CLRN3: variants seen among roughly 807,000 people sequenced by gnomAD.
CLRN3 encodes clarin-3.
CLRN3 carries 12 observed loss-of-function variants against 16.7 expected under a neutral mutation model. That is an observed-to-expected ratio of 0.72 (90% CI 0.46 to 1.16). The LOEUF (loss-of-function observed/expected upper bound fraction) is 1.16. CLRN3 is among the 50% of genes most tolerant of loss of function. The pLI is 0.00. For missense variants in CLRN3, 296 were observed against 274.2 expected, an observed-to-expected ratio of 1.08 and a Z score of -0.56; for synonymous variants, 118 against 113.0, an observed-to-expected ratio of 1.04 and a Z score of -0.28.
chr10:127,891,319 C>T (rs183022365), intron 1 of CLRN3, among the ~76,000 whole-genome samples: 21 of 152,306 alleles, frequency 1.4e-4, no homozygotes, highest in Admixed American at 1.0e-3. Context: ...TCCAAACAGA[C>T]ACCATATGGA....
At chr10:127,890,564 T>C (rs1315420221) in intron 1 of CLRN3, among the ~76,000 whole-genome samples, 1 of 152,204 alleles carries the variant, frequency 6.6e-6, no homozygotes, top group Non-Finnish European at 1.5e-5. Context: ...GACCTCATGC[T>C]AGCCAAGAAG....
intron 2 of CLRN3, among the ~76,000 whole-genome samples, chr10:127,879,199 C>G (rs1845096633): frequency 6.6e-6 from 1 of 152,196 alleles, no homozygotes; most frequent in South Asian, 2.1e-4. Flanking sequence ...ACCTCCACCT[C>G]CCAGGCTCCA....
intron 2 of CLRN3, among the ~76,000 whole-genome samples, chr10:127,881,837 T>A (rs1845131815): frequency 6.6e-6 from 1 of 152,212 alleles, no homozygotes; most frequent in Non-Finnish European, 1.5e-5. Flanking sequence ...GGCCAATTAA[T>A]GAATGATGGA....
chr10:127,879,645 A>G (rs941467223), intron 2 of CLRN3, among the ~76,000 whole-genome samples: 5 of 152,100 alleles, frequency 3.3e-5, no homozygotes, highest in African/African-American at 2.4e-5. Context: ...GCTAAAGGGC[A>G]TGGGGTTTCT....
Position 127,883,742 on chromosome 10 carries a change from C to T in CLRN3, c.363G>A (p.Gln121=). 1 of 1,613,954 alleles carries T rather than the reference C, an allele frequency of 6.2e-7. No individual in the cohort carries two copies. The highest frequency in any genetic ancestry group is 8.5e-7 in the Non-Finnish European group (1 of 1,179,932). The change falls in exon 2 of 3, where the codon CAG becomes CAA. Residue 121 remains glutamine, a synonymous_variant. Coordinates refer to ENST00000368671, the MANE Select transcript of CLRN3 (RefSeq NM_152311.5). ...ACACCCCCGTCGGCCCCAGGAATGT[C>T]TGGTAAGGGTTGCTGATGCTGTTGT... is the stretch of plus-strand genomic sequence containing the variant. ...TFYNSISNPY[Q]TFLGPTGVYT...
In CLRN3 at chr10:127,892,847, C is replaced by G; in HGVS notation, c.-63G>C. 1.0e-6 allele frequency: 1 copy of G among 965,882 alleles called. No individual in the cohort carries two copies. Among genetic ancestry groups the G allele is most frequent in the Non-Finnish European group, 1.6e-6 (1 of 616,652 alleles). The allele number at this position is 965,882 out of a possible 1,614,324, so 59.8% of individuals were successfully genotyped here. A position where few individuals can be genotyped will look rare whatever the true frequency, so the allele number is the denominator to read the frequency against. On this transcript the variant is annotated 5_prime_UTR_variant, in exon 1 of 3. Coordinates refer to ENST00000368671, the MANE Select transcript of CLRN3 (RefSeq NM_152311.5). The stretch of plus-strand genomic sequence containing the variant: ...AATATCTTCTTATAACACTTTTGAA[C>G]CTTATCTTTTGAAGTCTGGTATTTA...
chr10:127,885,990 G>A (rs756747778), intron 1 of CLRN3, among the ~76,000 whole-genome samples: 3 of 152,106 alleles, frequency 2.0e-5, no homozygotes, highest in Non-Finnish European at 4.4e-5. Flanking sequence ...CCCAACCTCA[G>A]GTGATCTGCC....
At chr10:127,880,090 C>T (rs902258356) in intron 2 of CLRN3, among the ~76,000 whole-genome samples, 1 of 152,202 alleles carries the variant, frequency 6.6e-6, no homozygotes, top group African/African-American at 2.4e-5. Flanking sequence ...TCTTCATCCT[C>T]AATGTAATGG....
intron 1 of CLRN3, among the ~76,000 whole-genome samples, chr10:127,885,060 G>A (rs1845178147): frequency 6.6e-6 from 1 of 152,230 alleles, no homozygotes; most frequent in African/African-American, 2.4e-5. Flanking sequence ...GAGCCTTGGA[G>A]CCCTCACCTC....
chr10:127,889,765 G>A (rs998229803), intron 1 of CLRN3, among the ~76,000 whole-genome samples: 23 of 152,200 alleles, frequency 1.5e-4, no homozygotes, highest in Admixed American at 1.2e-3. Flanking sequence ...TGTCCTAAAT[G>A]TGAATGACTC....
chr10:127,884,990 G>A (rs978340455), intron 1 of CLRN3, among the ~76,000 whole-genome samples: 2 of 152,236 alleles, frequency 1.3e-5, no homozygotes, highest in African/African-American at 4.8e-5. Flanking sequence ...GGGAACAGGT[G>A]GGTAAAAACA....
At position 127,892,940 on chromosome 10, in the gene CLRN3, T is replaced by C. The variant is rs1845276199; in HGVS notation, c.-156A>G. The stretch of plus-strand genomic sequence containing the variant: ...TCTTCCTGAGGAAGGGTTATGCTAA[T>C]GGACATTGAACTCTGAACATGGCCA... On this transcript the variant is annotated 5_prime_UTR_variant, in exon 1 of 3. Coordinates refer to ENST00000368671, the MANE Select transcript of CLRN3 (RefSeq NM_152311.5). 1 of 609,152 alleles carries C rather than the reference T, an allele frequency of 1.6e-6. No homozygotes were observed. The highest frequency in any genetic ancestry group is 2.0e-5 in the South Asian group (1 of 49,204). 37.7% of individuals were successfully genotyped at this position (609,152 alleles called of 1,614,324 possible).
intron 2 of CLRN3, among the ~76,000 whole-genome samples, chr10:127,879,208 C>T (rs895283525): frequency 5.3e-5 from 8 of 152,144 alleles, no homozygotes; most frequent in African/African-American, 1.4e-4. Context: ...TCCCAGGCTC[C>T]ATTGATCCTA....
Position 127,878,307 on chromosome 10 carries a change from G to T in CLRN3, c.523C>A (p.His175Asn), listed in dbSNP as rs1327965938. ...YPATTSKGTTHSYGYSFWLIL... is the reference protein window; with the variant it reads ...YPATTSKGTTNSYGYSFWLIL... Reference sequence around the variant, plus strand: ...AGCCAGAACGAGTATCCGTAACTGTGGGTCGTTCCTTTACTGGTGGTTGCC... The same window carrying T: ...AGCCAGAACGAGTATCCGTAACTGTTGGTCGTTCCTTTACTGGTGGTTGCC... The change falls in exon 3 of 3, where the codon CAC becomes AAC. Residue 175 changes from histidine (H) to asparagine (N), a missense_variant. Physicochemically the swap from His to Asn is moderately conservative, Grantham distance 68. Coordinates refer to ENST00000368671, the MANE Select transcript of CLRN3 (RefSeq NM_152311.5). 1.2e-6 allele frequency: 2 copies of T among 1,614,066 alleles called. No homozygotes were observed. Among genetic ancestry groups the T allele is most frequent in the Admixed American group, 3.3e-5 (2 of 60,006 alleles).
intron 1 of CLRN3, among the ~76,000 whole-genome samples, chr10:127,891,341 A>C (rs1439974459): frequency 6.6e-6 from 1 of 152,218 alleles, no homozygotes; most frequent in Non-Finnish European, 1.5e-5. Flanking sequence ...ACCAAAAAAA[A>C]CTGTAGGTTT....
intron 1 of CLRN3, among the ~76,000 whole-genome samples, chr10:127,887,125 T>C (rs1284246700): frequency 6.6e-6 from 1 of 152,040 alleles, no homozygotes; most frequent in African/African-American, 2.4e-5. Flanking sequence ...CACACTTGTT[T>C]TGAAAGTAAT....
rs1487046441 is a variant in CLRN3, at chr10:127,892,539, A to C, written c.229+17T>G. On this transcript the variant is annotated intron_variant, in intron 1 of 2. Transcript: ENST00000368671. The stretch of plus-strand genomic sequence containing the variant: ...ATTCAATCTCACTATATTCATTCAA[A>C]TTAGTTTATCATTTACCTGCAAACT... 1 of 1,265,990 alleles carries C rather than the reference A, an allele frequency of 7.9e-7. No individual in the cohort carries two copies. Among genetic ancestry groups the C allele is most frequent in the East Asian group, 2.3e-5 (1 of 43,368 alleles). The allele number at this position is 1,265,990 out of a possible 1,614,324, so 78.4% of individuals were successfully genotyped here. A position where few individuals can be genotyped will look rare whatever the true frequency, so the allele number is the denominator to read the frequency against.
chr10:127,888,829 T>C (rs1288721940), intron 1 of CLRN3, among the ~76,000 whole-genome samples: 1 of 152,168 alleles, frequency 6.6e-6, no homozygotes, highest in Non-Finnish European at 1.5e-5. Context: ...CAATACCCAG[T>C]ACAGCCATGC....
chr10:127,881,518 C>A (rs1190247363), intron 2 of CLRN3, among the ~76,000 whole-genome samples: 1 of 152,154 alleles, frequency 6.6e-6, no homozygotes, highest in Non-Finnish European at 1.5e-5. Context: ...CTGGTCCTGG[C>A]GCCTGTTTTC....
Sources: allele counts gnomAD v4.1 joint callset (sites outside exome capture counted in the v4.1 genomes callset), GRCh38; gene constraint gnomAD v4.1.1; transcripts MANE v1.5; gene names NCBI Gene and HGNC (gene_info 2026-07-23, HGNC 2026-07-21).